RGS6: variants seen among roughly 807,000 people sequenced by gnomAD.
RGS6 encodes regulator of G protein signaling 6, also known as regulator of G-protein signaling 6.
In RGS6, 30 loss-of-function variants were observed where a neutral mutation model predicts 78.5. The ratio of observed to expected loss-of-function variants is 0.38; its 90% CI spans 0.29 to 0.52. The LOEUF (loss-of-function observed/expected upper bound fraction) is 0.52. Ranked by LOEUF, RGS6 falls within the 20% of genes least tolerant of loss-of-function variation. RGS6 has a pLI of 0.85. For missense variants in RGS6, 495 were observed against 609.7 expected (o/e 0.81, Z 1.98); for synonymous variants, 206 against 206.0 (o/e 1.00, Z 0.00).
chr14:72,402,908 T>G (rs951359050), intron 3 of RGS6, among the ~76,000 whole-genome samples: 5 of 147,190 alleles, frequency 3.4e-5, no homozygotes, highest in African/African-American at 1.3e-4. Flanking sequence ...GTGATTCTCC[T>G]GCCTCAACCT....
intron 2 of RGS6, among the ~76,000 whole-genome samples, chr14:72,063,603 T>C (rs1394719209): frequency 6.6e-6 from 1 of 152,018 alleles, no homozygotes. Flanking sequence ...TTTTTAAAGA[T>C]GGGGGTTATA....
intron 2 of RGS6, among the ~76,000 whole-genome samples, chr14:72,230,705 G>A (rs12100639): frequency 0.022 from 3,407 of 152,252 alleles, 73 homozygotes; most frequent in African/African-American, 0.051. Flanking sequence ...CTGCAGTCTC[G>A]AGGCAGGATT....
chr14:72,487,910 T>G (rs1159037730), intron 12 of RGS6, among the ~76,000 whole-genome samples: 1 of 152,172 alleles, frequency 6.6e-6, no homozygotes, highest in Non-Finnish European at 1.5e-5. Flanking sequence ...GGCCAAATTG[T>G]TCATCCTCTT....
At chr14:72,430,237 C>G (rs776373113) in intron 3 of RGS6, among the ~76,000 whole-genome samples, 1 of 152,210 alleles carries the variant, frequency 6.6e-6, no homozygotes, top group Non-Finnish European at 1.5e-5. Flanking sequence ...CCATCCACTT[C>G]GCTCACACGT....
At chr14:71,886,774 A>G in the RGS6 span, among the ~76,000 whole-genome samples, 2 of 152,246 alleles carry the variant, frequency 1.3e-5, no homozygotes, top group Non-Finnish European at 2.9e-5. Flanking sequence ...TCCAGGGCTT[A>G]TGGAAGGGCA....
At chr14:72,234,271 C>G in intron 2 of RGS6, among the ~76,000 whole-genome samples, 1 of 151,958 alleles carries the variant, frequency 6.6e-6, no homozygotes, top group East Asian at 1.9e-4. Flanking sequence ...TTTCTGAGAG[C>G]TGGGTCCCAA....
intron 3 of RGS6, among the ~76,000 whole-genome samples, chr14:72,423,583 T>C (rs2094302288): frequency 6.6e-6 from 1 of 151,038 alleles, no homozygotes; most frequent in Non-Finnish European, 1.5e-5. Context: ...CAAAACTCAA[T>C]ACTATGTGTT....
chr14:72,374,990 ACAG>A (rs2084335299), intron 3 of RGS6, among the ~76,000 whole-genome samples: 1 of 152,226 alleles, frequency 6.6e-6, no homozygotes, highest in African/African-American at 2.4e-5. Context: ...GAAACATTAA[ACAG>A]CAGATTTGAC....
chr14:71,962,379 A>C lies in RGS6; in HGVS notation c.-20-2393A>C, dbSNP rs143194058. On this transcript the variant is annotated intron_variant, in intron 1 of 17. Coordinates refer to ENST00000553525, the MANE Select transcript of RGS6 (RefSeq NM_001204424.2). ...GCTATTATAATACAGTTTTCTAGATAGAAGAGAATGTGCTCATTAAAGTGT... is the reference window on the plus strand; with the variant it reads ...GCTATTATAATACAGTTTTCTAGATCGAAGAGAATGTGCTCATTAAAGTGT... 1.8e-3 allele frequency among the ~76,000 whole-genome samples: 267 copies of C among 152,322 alleles called. 1 individual carries two copies. The highest frequency in any genetic ancestry group is 5.7e-3 in the African/African-American group (235 of 41,578).
chr14:71,906,751 A>T, the RGS6 span, among the ~76,000 whole-genome samples: 1 of 62,080 alleles, frequency 1.6e-5, no homozygotes, highest in Admixed American at 1.9e-4. Context: ...GAGTTAATTT[A>T]GGCACTCGTG....
intron 13 of RGS6, among the ~76,000 whole-genome samples, chr14:72,509,117 C>A (rs2096847196): frequency 6.6e-6 from 1 of 152,078 alleles, no homozygotes; most frequent in Non-Finnish European, 1.5e-5. Context: ...GTAATCCCAG[C>A]ACTTTGGGAG....
intron 2 of RGS6, among the ~76,000 whole-genome samples, chr14:71,987,483 C>G (rs60503142): frequency 0.15 from 23,464 of 152,124 alleles, 1,940 homozygotes; most frequent in East Asian, 0.21. Context: ...GTAGTCCCAT[C>G]CAGTGTGGCT....
At chr14:72,049,558 T>C (rs1302599537) in intron 2 of RGS6, among the ~76,000 whole-genome samples, 2 of 152,176 alleles carry the variant, frequency 1.3e-5, no homozygotes, top group Non-Finnish European at 2.9e-5. Flanking sequence ...AGAACGTGGG[T>C]GAGTCAGAAG....
At chr14:71,964,638 C>T in intron 1 of RGS6, 134 bp from the exon 2 acceptor site, 2 of 603,228 alleles carry the variant, frequency 3.3e-6, no homozygotes, top group Non-Finnish European at 5.7e-6. Context: ...CATCCCCTAA[C>T]TTTAAAAAAT....
downstream of RGS6, among the ~76,000 whole-genome samples, chr14:72,570,871 G>A (rs941779164): frequency 1.3e-5 from 2 of 152,186 alleles, no homozygotes; most frequent in African/African-American, 4.8e-5. Context: ...TTGATCCATT[G>A]CATTTATTGT....
intron 3 of RGS6, among the ~76,000 whole-genome samples, chr14:72,397,355 G>C (rs2091556561): frequency 6.6e-6 from 1 of 151,870 alleles, no homozygotes; most frequent in South Asian, 2.1e-4. Flanking sequence ...CTGTTTGTCT[G>C]TTATTGGTGT....
Position 72,197,631 on chromosome 14 carries a change from T to C in RGS6, c.85-154464T>C, listed in dbSNP as rs77340186. On this transcript the variant is annotated intron_variant, in intron 2 of 17. Transcript: ENST00000553525. Reference sequence around the variant, plus strand: ...TTAAAATTGTGACAAAATTTAGGAATCAGTAATTATTTAAAAATCCAAATA... The same window carrying C: ...TTAAAATTGTGACAAAATTTAGGAACCAGTAATTATTTAAAAATCCAAATA... Among the ~76,000 whole-genome samples, 1,150 of 152,300 alleles carry C rather than the reference T, an allele frequency of 7.6e-3. 19 individuals are homozygous for C. Among genetic ancestry groups the C allele is most frequent in the African/African-American group, 0.027 (1,103 of 41,556 alleles).
chr14:71,925,945 A>G, the RGS6 span, among the ~76,000 whole-genome samples: 577 of 152,242 alleles, frequency 3.8e-3, 6 homozygotes, highest in African/African-American at 0.013. Flanking sequence ...GCTTACAAAT[A>G]AATTTAACCA....
intron 2 of RGS6, among the ~76,000 whole-genome samples, chr14:72,271,678 C>G (rs1387068533): frequency 6.6e-6 from 1 of 152,214 alleles, no homozygotes; most frequent in Admixed American, 6.5e-5. Context: ...TAACAAATTA[C>G]CACAAGCTTA....
Sources: gnomAD v4.1 joint callset for allele counts (sites outside exome capture counted in the v4.1 genomes callset) on GRCh38, gnomAD v4.1.1 for gene constraint, MANE v1.5 for transcripts, NCBI Gene and HGNC (gene_info 2026-07-23, HGNC 2026-07-21) for gene names.